Variants in DNAH6 observed in about 807,000 individuals in gnomAD.
DNAH6 encodes the protein dynein axonemal heavy chain 6, also known as axonemal beta dynein heavy chain 6.
In DNAH6, 340 loss-of-function variants were observed where a neutral mutation model predicts 491.4. The observed-to-expected ratio is 0.69, with a 90% CI of 0.63 to 0.76. The LOEUF (loss-of-function observed/expected upper bound fraction) is 0.76, where lower values mean the gene tolerates loss of function less well. Among genes scored for constraint, DNAH6 ranks in the 30% least tolerant of loss-of-function variants. The pLI, the probability that DNAH6 is intolerant of heterozygous loss-of-function variation, is 0.00. For missense variants in DNAH6, 4,443 were observed against 4,972.2 expected, an observed-to-expected ratio of 0.89 and a Z score of 3.20; for synonymous variants, 1,603 against 1,686.1, an observed-to-expected ratio of 0.95 and a Z score of 1.21.
chr2:84,629,421 G>T (rs775362934), intron 29 of DNAH6, among the ~76,000 whole-genome samples: 1 of 152,128 alleles, frequency 6.6e-6, no homozygotes, highest in Non-Finnish European at 1.5e-5. Flanking sequence ...ATGCTGTCAG[G>T]TTCCATAACT....
chr2:84,711,879 C>T (rs1231375958), intron 56 of DNAH6, among the ~76,000 whole-genome samples: 1 of 152,254 alleles, frequency 6.6e-6, no homozygotes, highest in Non-Finnish European at 1.5e-5. Context: ...AAACTGGACT[C>T]CTGAACTCAG....
Position 84,812,478 on chromosome 2 carries a change from A to T in DNAH6, c.11877A>T (p.Pro3959=), listed in dbSNP as rs750831253. 1 of 1,551,764 alleles carries T rather than the reference A, an allele frequency of 6.4e-7. No homozygotes were observed. Among genetic ancestry groups the T allele is most frequent in the East Asian group, 2.4e-5 (1 of 40,920 alleles). ...ACACAGCCTACCCATCCCTGAAGCC[A>T]CTAGGATCATGGGTCAAAGACCTTA... is the stretch of plus-strand genomic sequence containing the variant. ...WSNTAYPSLK[P]LGSWVKDLIL... is the part of the protein sequence containing the mutation. Residue 3959 remains proline (P), a synonymous_variant, in exon 73 of 77, where the codon CCA becomes CCT. Coordinates refer to ENST00000389394, the MANE Select transcript of DNAH6 (RefSeq NM_001370.2).
At position 84,621,343 on chromosome 2, in the gene DNAH6, C is replaced by T; in HGVS notation, c.3945C>T (p.Gly1315=). 2 of 1,551,494 alleles carry T rather than the reference C, an allele frequency of 1.3e-6. No individual in the cohort carries two copies. Among genetic ancestry groups the T allele is most frequent in the Non-Finnish European group, 1.7e-6 (2 of 1,146,842 alleles). ...GKLRTDWVVA[G]HPSQVILTVS... ...TGAGGACAGACTGGGTGGTTGCTGG[C>T]CACCCTTCTCAAGTAACTCACACTC... The change falls in exon 25 of 77, where the codon GGC becomes GGT. Residue 1315 remains glycine, a synonymous_variant. Transcript: ENST00000389394.
intron 21 of DNAH6, among the ~76,000 whole-genome samples, chr2:84,610,953 T>C (rs1007347933): frequency 6.6e-6 from 1 of 152,164 alleles, no homozygotes; most frequent in Non-Finnish European, 1.5e-5. Context: ...GCTTGGAAAG[T>C]GTGAGACCTG....
In DNAH6 at chr2:84,640,387, T is replaced by TCAATA. The variant is rs767049557; in HGVS notation, c.4822-37_4822-33dup. The stretch of plus-strand genomic sequence containing the variant: ...TTGGTATCATGCTAATACATTGTTA[T>TCAATA]CAATACAATATAATAAGCATTGCAT... On this transcript the variant is annotated intron_variant, in intron 31 of 76. Coordinates refer to ENST00000389394, the MANE Select transcript of DNAH6 (RefSeq NM_001370.2). 7.3e-6 allele frequency: 9 copies of TCAATA among 1,234,256 alleles called. No individual in the cohort carries two copies. The South Asian group carries it at 1.1e-4, about 16-fold the overall frequency. The allele number at this position is 1,234,256 out of a possible 1,614,324, so 76.5% of individuals were successfully genotyped here.
At chr2:84,612,638 G>A (rs1349574571) in intron 22 of DNAH6, among the ~76,000 whole-genome samples, 1 of 152,016 alleles carries the variant, frequency 6.6e-6, no homozygotes, top group Non-Finnish European at 1.5e-5. Flanking sequence ...TTGGCTCATG[G>A]CCTTCTTCCA....
Position 84,707,754 on chromosome 2 carries a change from CA to C in DNAH6, c.9048+39del, listed in dbSNP as rs1342662971. On this transcript the variant is annotated intron_variant, in intron 54 of 76. Transcript: ENST00000389394. ...GCTTTCTGTAAGGAGGGGTAAGAAG[CA>C]GCTGAAACTGGAGCCAGGGGTGGTT... 22 of 1,506,642 alleles carry C rather than the reference CA, an allele frequency of 1.5e-5. No individual in the cohort carries two copies. The Middle Eastern group carries it at 5.1e-4, about 35-fold the overall frequency. The allele number at this position is 1,506,642 out of a possible 1,614,324, so 93.3% of individuals were successfully genotyped here.
chr2:84,596,632 A>G (rs1333932042), intron 18 of DNAH6, among the ~76,000 whole-genome samples: 1 of 148,452 alleles, frequency 6.7e-6, no homozygotes, highest in East Asian at 2.0e-4. Flanking sequence ...CGCCTGGACA[A>G]TTTTAGGGTA....
chr2:84,710,448 C>A lies in DNAH6; in HGVS notation c.9378+36C>A, dbSNP rs1461216184. The A allele has an allele frequency of 3.9e-6, 6 of 1,547,344 alleles. No individual in the cohort carries two copies. In the Admixed American group the frequency reaches 7.9e-5, roughly 20 times the overall value. On this transcript the variant is annotated intron_variant, in intron 56 of 76. Transcript: ENST00000389394. ...CACTTCCTTTTCTCATGTCAGTTCC[C>A]AACTTTCAAATCATATCTGGAATCC... is the stretch of plus-strand genomic sequence containing the variant.
chr2:84,512,883 T>C (rs1413055608), upstream of DNAH6, among the ~76,000 whole-genome samples: 1 of 152,234 alleles, frequency 6.6e-6, no homozygotes, highest in African/African-American at 2.4e-5. Flanking sequence ...GAATCTAAAG[T>C]ATGTCTCTTA....
rs762617069 is a variant in DNAH6, at chr2:84,815,868, C to T, written c.12158C>T (p.Ser4053Phe). ...CTTGTGGGTATCTTTCAGTTGCCCT[C>T]TCCTGAGGATGGTGTTCTTGTTCAT... ...QELPMDMELPSPEDGVLVHGM... is the reference protein window; with the variant it reads ...QELPMDMELPFPEDGVLVHGM... The change falls in exon 76 of 77, where the codon TCT becomes TTT. Residue 4053 changes from serine (S) to phenylalanine (F), a missense_variant. Coordinates refer to ENST00000389394, the MANE Select transcript of DNAH6 (RefSeq NM_001370.2). The T allele has an allele frequency of 1.3e-6, 2 of 1,550,440 alleles. No individual in the cohort carries two copies. The highest frequency in any genetic ancestry group is 2.4e-5 in the South Asian group (2 of 83,936).
At chr2:84,571,034 C>T (rs905003721) in intron 11 of DNAH6, among the ~76,000 whole-genome samples, 2 of 152,140 alleles carry the variant, frequency 1.3e-5, no homozygotes, top group Non-Finnish European at 2.9e-5. Flanking sequence ...CGAGAATCCA[C>T]CGGAAGGAAC....
At chr2:84,793,639 G>A (rs1678008266) in intron 68 of DNAH6, among the ~76,000 whole-genome samples, 1 of 152,114 alleles carries the variant, frequency 6.6e-6, no homozygotes, top group East Asian at 1.9e-4. Flanking sequence ...AGATTTCCCA[G>A]AGGGTCGCTA....
At chr2:84,739,169 C>A (rs1390968666) in intron 62 of DNAH6, among the ~76,000 whole-genome samples, 1 of 152,150 alleles carries the variant, frequency 6.6e-6, no homozygotes, top group Non-Finnish European at 1.5e-5. Flanking sequence ...GCCCCAGTTT[C>A]TTCTGACTTG....
chr2:84,697,186 T>A (rs1695471882), intron 46 of DNAH6, among the ~76,000 whole-genome samples: 2 of 152,190 alleles, frequency 1.3e-5, no homozygotes, highest in Non-Finnish European at 2.9e-5. Flanking sequence ...TAAACAAGAC[T>A]GTAAACTATC....
intron 33 of DNAH6, among the ~76,000 whole-genome samples, chr2:84,652,466 C>T (rs1690541457): frequency 6.6e-6 from 1 of 151,998 alleles, no homozygotes; most frequent in Admixed American, 6.6e-5. Flanking sequence ...CTGATATAAA[C>T]ATTGGAAATG....
At chr2:84,647,187 A>G (rs1270033334) in intron 33 of DNAH6, among the ~76,000 whole-genome samples, 2 of 152,174 alleles carry the variant, frequency 1.3e-5, no homozygotes, top group African/African-American at 2.4e-5. Context: ...CTGGTGAAGT[A>G]GCTAGCTTCA....
At chr2:84,623,215 C>T (rs1202943651) in intron 26 of DNAH6, among the ~76,000 whole-genome samples, 1 of 152,052 alleles carries the variant, frequency 6.6e-6, no homozygotes, top group East Asian at 1.9e-4. Context: ...ACCAAAAGCA[C>T]AAGCAACAAA....
chr2:84,634,312 C>CT (rs1688668578), intron 29 of DNAH6, among the ~76,000 whole-genome samples, 192 bp from the exon 30 acceptor site: 1 of 152,152 alleles, frequency 6.6e-6, no homozygotes, highest in Non-Finnish European at 1.5e-5. Context: ...ATTCAAATCA[C>CT]TTAGAGAGAC....
Sources: gnomAD v4.1 joint callset for allele counts (sites outside exome capture counted in the v4.1 genomes callset) on GRCh38, gnomAD v4.1.1 for gene constraint, MANE v1.5 for transcripts, NCBI Gene and HGNC (gene_info 2026-07-23, HGNC 2026-07-21) for gene names.